Variants in ASAP1 observed in about 807,000 individuals in gnomAD.
ASAP1 encodes the protein arf-GAP with SH3 domain, ANK repeat and PH domain-containing protein 1.
Under a neutral mutation model 145.2 loss-of-function variants are expected in ASAP1, and 43 were observed. The observed-to-expected ratio is 0.30, with a 90% CI of 0.23 to 0.38. The LOEUF is 0.38. Ranked by LOEUF, ASAP1 falls within the 10% of genes least tolerant of loss-of-function variation. The probability of loss-of-function intolerance (pLI) is 1.00; values close to 1 mark genes in which losing one functional copy is unlikely to be tolerated. For missense variants in ASAP1, 1,018 were observed against 1,355.3 expected (o/e 0.75, Z 3.91); for synonymous variants, 546 against 515.5 (o/e 1.06, Z -0.80).
intron 3 of ASAP1, among the ~76,000 whole-genome samples, chr8:130,270,488 G>A (rs1820521690): frequency 6.6e-6 from 1 of 152,166 alleles, no homozygotes; most frequent in Non-Finnish European, 1.5e-5. Context: ...AGGTTAATTG[G>A]ATAACCAGTG....
chr8:130,269,929 G>C (rs1455646150), intron 3 of ASAP1, among the ~76,000 whole-genome samples: 1 of 152,170 alleles, frequency 6.6e-6, no homozygotes, highest in African/African-American at 2.4e-5. Context: ...CCGCACTTTG[G>C]GAGGCGAAGG....
At chr8:130,088,103 A>G (rs556659297) in intron 25 of ASAP1, among the ~76,000 whole-genome samples, 1 of 152,268 alleles carries the variant, frequency 6.6e-6, no homozygotes, top group Admixed American at 6.5e-5. Flanking sequence ...GTCTTTGTAA[A>G]TATAATTAAG....
chr8:130,381,958 C>A (rs975920917), intron 2 of ASAP1, among the ~76,000 whole-genome samples: 3 of 152,078 alleles, frequency 2.0e-5, no homozygotes, highest in Non-Finnish European at 1.5e-5. Context: ...TCCCTTTACC[C>A]GTGTTTATTT....
At chr8:130,087,152 G>T (rs1592768430) in intron 25 of ASAP1, among the ~76,000 whole-genome samples, 1 of 152,272 alleles carries the variant, frequency 6.6e-6, no homozygotes, top group Non-Finnish European at 1.5e-5. Flanking sequence ...CTCTGCAAAG[G>T]AGCTGAATGT....
intron 27 of ASAP1, among the ~76,000 whole-genome samples, chr8:130,065,984 A>G (rs573678423): frequency 6.6e-6 from 1 of 152,100 alleles, no homozygotes; most frequent in Non-Finnish European, 1.5e-5. Context: ...ATCCTGAGGG[A>G]GCTTCAACTC....
At chr8:130,365,120 G>A (rs572752453) in intron 2 of ASAP1, among the ~76,000 whole-genome samples, 58 of 152,158 alleles carry the variant, frequency 3.8e-4, no homozygotes, top group Non-Finnish European at 7.6e-4. Context: ...AAGGACAGAA[G>A]ATTCCTGGAG....
chr8:130,113,837 A>G (rs2135598266), intron 23 of ASAP1, among the ~76,000 whole-genome samples: 1 of 151,734 alleles, frequency 6.6e-6, no homozygotes, highest in Admixed American at 6.6e-5. Context: ...GCTGGAGTGC[A>G]ATGGGACAAT....
At chr8:130,152,560 T>C in intron 13 of ASAP1, 176 bp downstream of exon 13, 1 of 419,138 alleles carries the variant, frequency 2.4e-6, no homozygotes, top group Non-Finnish European at 4.2e-6. Flanking sequence ...TGCCAAAGAA[T>C]GGTGCAGACT....
At chr8:130,267,218 A>G (rs1397641553) in intron 3 of ASAP1, among the ~76,000 whole-genome samples, 4 of 152,120 alleles carry the variant, frequency 2.6e-5, no homozygotes, top group African/African-American at 7.2e-5. Context: ...AAAAGAATCT[A>G]TTGCTCAACT....
intron 11 of ASAP1, 88 bp downstream of exon 11, chr8:130,167,448 C>A: frequency 9.8e-7 from 1 of 1,022,104 alleles, no homozygotes; most frequent in Non-Finnish European, 1.6e-6. Flanking sequence ...TATCACTGTG[C>A]CTGTCTTGCA....
intron 24 of ASAP1, among the ~76,000 whole-genome samples, chr8:130,100,957 A>C (rs1315164900): frequency 1.3e-5 from 2 of 152,116 alleles, no homozygotes; most frequent in African/African-American, 4.8e-5. Context: ...TAGTAGTTTT[A>C]TAGTTTCGGG....
chr8:130,374,195 T>C (rs1354839312), intron 2 of ASAP1, among the ~76,000 whole-genome samples: 1 of 152,210 alleles, frequency 6.6e-6, no homozygotes, highest in Non-Finnish European at 1.5e-5. Context: ...AAAATGAGGC[T>C]AATGACAGCA....
Position 130,422,441 on chromosome 8 carries a change from C to A in ASAP1, c.-27-20471G>T, listed in dbSNP as rs568117059. 2.0e-5 allele frequency among the ~76,000 whole-genome samples: 3 copies of A among 152,182 alleles called. No homozygotes were observed. The South Asian group carries it at 6.2e-4, about 31-fold the overall frequency. On this transcript the variant is annotated intron_variant, in intron 1 of 29. Coordinates refer to ENST00000518721, the MANE Select transcript of ASAP1 (RefSeq NM_018482.4). ...AAGTAAATTCCCAGGCTCGGATCAC[C>A]CACGCTTCCTGGCTCCTGCTCCCTG...
intron 4 of ASAP1, among the ~76,000 whole-genome samples, chr8:130,219,475 C>T (rs1016385756): frequency 1.3e-5 from 2 of 152,002 alleles, no homozygotes; most frequent in African/African-American, 4.8e-5. Flanking sequence ...AAGAAGGCTG[C>T]GGTGGTGGGA....
At chr8:130,292,498 AG>A (rs1269639613) in intron 3 of ASAP1, among the ~76,000 whole-genome samples, 4 of 152,200 alleles carry the variant, frequency 2.6e-5, no homozygotes, top group Non-Finnish European at 5.9e-5. Flanking sequence ...TAGTAAACCA[AG>A]GGTAGGAGGA....
intron 3 of ASAP1, among the ~76,000 whole-genome samples, chr8:130,323,092 T>A (rs1824111785): frequency 6.6e-6 from 1 of 152,216 alleles, no homozygotes; most frequent in Non-Finnish European, 1.5e-5. Flanking sequence ...AGACAACTAC[T>A]GCACAGAAAT....
chr8:130,237,651 A>G (rs1242356807), intron 3 of ASAP1, among the ~76,000 whole-genome samples: 1 of 152,120 alleles, frequency 6.6e-6, no homozygotes, highest in Non-Finnish European at 1.5e-5. Flanking sequence ...CCTGTGGTAT[A>G]AGCAGGGGGG....
chr8:130,375,093 C>T (rs1827419699), intron 2 of ASAP1, among the ~76,000 whole-genome samples: 1 of 152,190 alleles, frequency 6.6e-6, no homozygotes, highest in Non-Finnish European at 1.5e-5. Flanking sequence ...TATTGCCACT[C>T]TCAGCCTGGG....
chr8:130,204,389 G>C (rs1001080869), intron 5 of ASAP1, among the ~76,000 whole-genome samples: 2 of 152,172 alleles, frequency 1.3e-5, no homozygotes, highest in South Asian at 2.1e-4. Context: ...TTTGAATGCT[G>C]AATCTGAGAT....
Sources: allele counts gnomAD v4.1 joint callset (sites outside exome capture counted in the v4.1 genomes callset), GRCh38; gene constraint gnomAD v4.1.1; transcripts MANE v1.5; gene names NCBI Gene and HGNC (gene_info 2026-07-23, HGNC 2026-07-21).